Variants in EDA observed in about 807,000 individuals in gnomAD.
EDA encodes the protein ectodysplasin A, also known as ectodysplasin-A.
A neutral mutation model predicts 23.6 loss-of-function variants in EDA; 2 were observed. The ratio of observed to expected loss-of-function variants is 0.08; its 90% CI spans 0.03 to 0.27. The LOEUF (loss-of-function observed/expected upper bound fraction) is 0.27. Ranked by LOEUF, EDA falls within the 10% of genes least tolerant of loss-of-function variation. The probability of loss-of-function intolerance (pLI) is 1.00; values close to 1 mark genes in which losing one functional copy is unlikely to be tolerated. For synonymous variants in EDA, 131 were observed against 132.0 expected (o/e 0.99, Z 0.05); for missense variants, 229 against 324.2 (o/e 0.71, Z 2.26).
intron 2 of EDA, among the ~76,000 whole-genome samples, chrX:70,020,277 G>C (rs1462460554): frequency 8.9e-6 from 1 of 111,820 alleles, no homozygotes; most frequent in African/African-American, 3.3e-5. Flanking sequence ...CATATGTGGG[G>C]CCGGGTGCAG....
At chrX:69,767,654 A>G (rs999842616) in intron 1 of EDA, among the ~76,000 whole-genome samples, 26 of 111,787 alleles carry the variant, frequency 2.3e-4, no homozygotes, top group Non-Finnish European at 3.8e-5. Flanking sequence ...CTTTTTGGCT[A>G]TTACAGATAA....
chrX:69,681,893 G>C (rs7065712), intron 1 of EDA, among the ~76,000 whole-genome samples: 1 of 109,742 alleles, frequency 9.1e-6, no homozygotes, highest in East Asian at 2.9e-4. Flanking sequence ...AGGAGGAGAG[G>C]CGCTGTGCTT....
At chrX:69,616,820 C>A in intron 1 of EDA, 116 bp downstream of exon 1, 2 of 997,463 alleles carry the variant, frequency 2.0e-6, no homozygotes, top group Non-Finnish European at 2.8e-6. Context: ...GAGGGCAGGA[C>A]CAGGGAGGGA....
At chrX:69,681,917 GT>G (rs1934369465) in intron 1 of EDA, among the ~76,000 whole-genome samples, 2 of 110,753 alleles carry the variant, frequency 1.8e-5, no homozygotes, top group African/African-American at 6.6e-5. Context: ...AGAGTTTCCA[GT>G]TTTTCTGCTC....
chrX:69,736,324 C>T (rs1438137500), intron 1 of EDA, among the ~76,000 whole-genome samples: 1 of 111,012 alleles, frequency 9.0e-6, no homozygotes, highest in African/African-American at 3.3e-5. Flanking sequence ...AGGACACCCA[C>T]TTATGTTTTG....
At position 69,789,499 on chromosome X, in the gene EDA, G is replaced by C. The variant is rs774331463; in HGVS notation, c.397-167528G>C. ...TTTTTCAAATGAAGGCTCTGCACCAGCTGTATCTATTTCATCCGTATCCAC... is the reference window on the plus strand; with the variant it reads ...TTTTTCAAATGAAGGCTCTGCACCACCTGTATCTATTTCATCCGTATCCAC... On this transcript the variant is annotated intron_variant, in intron 1 of 7. Coordinates refer to ENST00000374552, the MANE Select transcript of EDA (RefSeq NM_001399.5). Among the ~76,000 whole-genome samples, 10 of 112,145 alleles carry C rather than the reference G, an allele frequency of 8.9e-5. No homozygotes were observed. In the South Asian group the frequency reaches 3.3e-3, roughly 38 times the overall value.
At chrX:69,834,006 A>G (rs1482625859) in intron 1 of EDA, among the ~76,000 whole-genome samples, 1 of 95,009 alleles carries the variant, frequency 1.1e-5, no homozygotes, top group East Asian at 3.5e-4. Context: ...CCTGTGTCCA[A>G]GTGTTCTCAT....
At chrX:69,782,907 A>G (rs1451883105) in intron 1 of EDA, among the ~76,000 whole-genome samples, 1 of 111,665 alleles carries the variant, frequency 9.0e-6, no homozygotes, top group Non-Finnish European at 1.9e-5. Context: ...TCCTTCCCTC[A>G]CTTGTACTGC....
chrX:69,982,435 T>A (rs1002182416), intron 2 of EDA, among the ~76,000 whole-genome samples: 2 of 111,116 alleles, frequency 1.8e-5, no homozygotes, highest in African/African-American at 6.5e-5. Flanking sequence ...ACTCCACACA[T>A]TTCCAGTGAA....
At chrX:69,832,126 G>A (rs1481210244) in intron 1 of EDA, among the ~76,000 whole-genome samples, 2 of 111,595 alleles carry the variant, frequency 1.8e-5, no homozygotes, top group African/African-American at 6.5e-5. Flanking sequence ...CCTGTGTCCT[G>A]AATGATATTG....
intron 1 of EDA, among the ~76,000 whole-genome samples, chrX:69,897,734 G>A (rs2018038730): frequency 9.0e-6 from 1 of 111,463 alleles, no homozygotes; most frequent in Non-Finnish European, 1.9e-5. Flanking sequence ...AATTCATCTG[G>A]ATAAGTCACC....
chrX:69,677,547 T>G (rs1276976323), intron 1 of EDA, among the ~76,000 whole-genome samples: 53 of 109,776 alleles, frequency 4.8e-4, no homozygotes, highest in South Asian at 7.4e-4. Context: ...GGTATCTCGT[T>G]GTGGTTTTGA....
chrX:69,753,363 C>T (rs1234195424), intron 1 of EDA, among the ~76,000 whole-genome samples: 3 of 112,052 alleles, frequency 2.7e-5, no homozygotes, highest in African/African-American at 9.7e-5. Flanking sequence ...GCAGGTTGTT[C>T]AGTTTCCATG....
At chrX:69,679,789 T>G (rs1934261725) in intron 1 of EDA, among the ~76,000 whole-genome samples, 1 of 111,204 alleles carries the variant, frequency 9.0e-6, no homozygotes, top group Non-Finnish European at 1.9e-5. Context: ...ATTCTTTAAT[T>G]TTTTGAAGGG....
In EDA at chrX:70,011,483, A is replaced by G. The variant is rs188453285; in HGVS notation, c.503-11735A>G. On this transcript the variant is annotated intron_variant, in intron 2 of 7. Transcript: ENST00000374552. ...GTAGCTGGGACTACAGGCATGAGCCACCATGCCTGGCTAATTTTTGTATTT... is the reference window on the plus strand; with the variant it reads ...GTAGCTGGGACTACAGGCATGAGCCGCCATGCCTGGCTAATTTTTGTATTT... Among the ~76,000 whole-genome samples the G allele has an allele frequency of 8.0e-4, 88 of 110,458 alleles. 1 individual carries two copies. The highest frequency in any genetic ancestry group is 2.7e-3 in the African/African-American group (83 of 30,370).
chrX:69,782,365 T>TAAAAAAAAAAAAAAAAAAA (rs1172108246), intron 1 of EDA, among the ~76,000 whole-genome samples: 1 of 44,902 alleles, frequency 2.2e-5, no homozygotes, highest in African/African-American at 7.5e-5. Flanking sequence ...TTAAATGCTC[T>TAAAAAAAAAAAAAAAAAAA]TAAAAAAAAA....
intron 1 of EDA, among the ~76,000 whole-genome samples, chrX:69,643,529 G>A (rs764629384): frequency 2.0e-5 from 1 of 50,647 alleles, no homozygotes; most frequent in South Asian, 1.1e-3. Context: ...TGGATAGCTT[G>A]CCAACATTTT....
chrX:69,838,319 T>C (rs753632626), intron 1 of EDA, among the ~76,000 whole-genome samples: 10 of 113,334 alleles, frequency 8.8e-5, no homozygotes, highest in Non-Finnish European at 1.5e-4. Flanking sequence ...AAAATGTGCA[T>C]GTAGGATTTC....
chrX:69,772,046 G>A (rs1421348577), intron 1 of EDA, among the ~76,000 whole-genome samples: 1 of 111,684 alleles, frequency 9.0e-6, no homozygotes, highest in Non-Finnish European at 1.9e-5. Flanking sequence ...CTTACCTCTC[G>A]AGCTCAAGCG....
Sources: allele counts gnomAD v4.1 joint callset (sites outside exome capture counted in the v4.1 genomes callset), GRCh38; gene constraint gnomAD v4.1.1; transcripts MANE v1.5; gene names NCBI Gene and HGNC (gene_info 2026-07-23, HGNC 2026-07-21).